GYS1: variants seen among roughly 807,000 people sequenced by gnomAD.
The protein encoded by GYS1 is glycogen synthase 1.
Under a neutral mutation model 89.1 loss-of-function variants are expected in GYS1, and 60 were observed. The ratio of observed to expected loss-of-function variants is 0.67; its 90% CI spans 0.55 to 0.84. The LOEUF is 0.84. Ranked by LOEUF, GYS1 falls within the 40% of genes least tolerant of loss-of-function variation. GYS1 has a pLI of 0.00. For missense variants in GYS1, 888 were observed against 1,003.1 expected, an observed-to-expected ratio of 0.89 and a Z score of 1.55; for synonymous variants, 366 against 401.7, an observed-to-expected ratio of 0.91 and a Z score of 1.06.
intron 8 of GYS1, among the ~76,000 whole-genome samples, chr19:48,979,914 C>T (rs775044319): frequency 9.4e-5 from 14 of 149,388 alleles, no homozygotes; most frequent in Non-Finnish European, 1.9e-4. Flanking sequence ...CCCAAAGTGC[C>T]GGGATTACAG....
Position 48,990,097 on chromosome 19 carries a change from G to T in GYS1, c.300+1205C>A, listed in dbSNP as rs552137261. Reference sequence around the variant, plus strand: ...TCTGGGTTCCCTTAGGGACACAGTCGGACCTGAATGGATTCCAGACCCCAC... The same window carrying T: ...TCTGGGTTCCCTTAGGGACACAGTCTGACCTGAATGGATTCCAGACCCCAC... On this transcript the variant is annotated intron_variant, in intron 2 of 15. Transcript: ENST00000323798. 4.8e-4 allele frequency among the ~76,000 whole-genome samples: 73 copies of T among 151,126 alleles called. 1 individual carries two copies. In the South Asian group the frequency reaches 0.015, roughly 31 times the overall value.
chr19:48,972,590 C>T (rs1345509872), intron 12 of GYS1, among the ~76,000 whole-genome samples: 1 of 152,042 alleles, frequency 6.6e-6, no homozygotes, highest in Non-Finnish European at 1.5e-5. Flanking sequence ...ACGATTCTCC[C>T]ACCTCAACTT....
In GYS1 at chr19:48,981,658, G is replaced by A. The variant is rs771190335; in HGVS notation, c.1063-22C>T. 8 of 1,493,256 alleles carry A rather than the reference G, an allele frequency of 5.4e-6. No individual in the cohort carries two copies. In the South Asian group the frequency reaches 7.9e-5, roughly 15 times the overall value. The allele number at this position is 1,493,256 out of a possible 1,614,324, so 92.5% of individuals were successfully genotyped here. A position where few individuals can be genotyped will look rare whatever the true frequency, so the allele number is the denominator to read the frequency against. Reference sequence around the variant, plus strand: ...TCACCTGCGCAGAAAGAAAGGAGGGGGAGGCCAGGATCATGTGGGGGAAGC... The same window carrying A: ...TCACCTGCGCAGAAAGAAAGGAGGGAGAGGCCAGGATCATGTGGGGGAAGC... On this transcript the variant is annotated intron_variant, in intron 7 of 15. Coordinates refer to ENST00000323798, the MANE Select transcript of GYS1 (RefSeq NM_002103.5).
chr19:48,987,356 T>C lies in GYS1; in HGVS notation c.330A>G (p.Gly110=). The change falls in exon 3 of 16, where the codon GGA becomes GGG. Residue 110 remains glycine (G), a synonymous_variant. Coordinates refer to ENST00000323798, the MANE Select transcript of GYS1 (RefSeq NM_002103.5). ...KVYFGRWLIE[G]GPLVVLLDVG... The stretch of plus-strand genomic sequence containing the variant: ...CGTCCAGGAGCACCACCAGAGGGCC[T>C]CCCTCGATCAGCCAGCGCCCGAAAT... 6.2e-7 allele frequency: 1 copy of C among 1,609,090 alleles called. No homozygotes were observed. The highest frequency in any genetic ancestry group is 8.5e-7 in the Non-Finnish European group (1 of 1,177,186).
Position 48,981,647 on chromosome 19 carries a change from A to G in GYS1, c.1063-11T>C. 1 of 1,570,738 alleles carries G rather than the reference A, an allele frequency of 6.4e-7. No homozygotes were observed. Among genetic ancestry groups the G allele is most frequent in the African/African-American group, 1.3e-5 (1 of 74,144 alleles). On this transcript the variant is annotated splice_polypyrimidine_tract_variant and intron_variant, in intron 7 of 15. Coordinates refer to ENST00000323798, the MANE Select transcript of GYS1 (RefSeq NM_002103.5). ...CTCGCTGCCGTTCACCTGCGCAGAA[A>G]GAAAGGAGGGGGAGGCCAGGATCAT...
chr19:48,984,849 C>T (rs2038817259), intron 5 of GYS1, among the ~76,000 whole-genome samples: 1 of 151,740 alleles, frequency 6.6e-6, no homozygotes, highest in Non-Finnish European at 1.5e-5. Flanking sequence ...CCACTGCACT[C>T]CAGCCTGGGC....
At chr19:48,983,725 C>CCCAG (rs145725095) in intron 5 of GYS1, among the ~76,000 whole-genome samples, 2,991 of 152,244 alleles carry the variant, frequency 0.02, 92 homozygotes, top group African/African-American at 0.068. Flanking sequence ...GGGAAGAATG[C>CCCAG]CCAGTTCTGA....
Position 48,982,501 on chromosome 19 carries a change from C to T in GYS1, c.942-126G>A, listed in dbSNP as rs2270937. On this transcript the variant is annotated intron_variant, in intron 6 of 15. Coordinates refer to ENST00000323798, the MANE Select transcript of GYS1 (RefSeq NM_002103.5). Reference sequence around the variant, plus strand: ...TGTCTTAGGTAATACAGAGGCATCACGGGGCCTCCTGGGAGTTGTAGTTCT... The same window carrying T: ...TGTCTTAGGTAATACAGAGGCATCATGGGGCCTCCTGGGAGTTGTAGTTCT... 0.31 allele frequency: 336,897 copies of T among 1,092,564 alleles called. 52,516 individuals are homozygous for T. Among genetic ancestry groups the T allele is most frequent in the Middle Eastern group, 0.35 (1,711 of 4,860 alleles). 67.7% of individuals were successfully genotyped at this position (1,092,564 alleles called of 1,614,324 possible).
Position 48,983,759 on chromosome 19 carries a change from T to C in GYS1, c.824-922A>G, listed in dbSNP as rs2038800370. ...GACCTAACCTTTCTCAAAAGCAAAG[T>C]CCACTGATCTTCCATTCCCTTTCAT... On this transcript the variant is annotated intron_variant, in intron 5 of 15. Coordinates refer to ENST00000323798, the MANE Select transcript of GYS1 (RefSeq NM_002103.5). 2.6e-5 allele frequency among the ~76,000 whole-genome samples: 4 copies of C among 152,168 alleles called. No individual in the cohort carries two copies. In the South Asian group the frequency reaches 8.3e-4, roughly 32 times the overall value.
chr19:48,981,465 A>G (rs2038761481), intron 8 of GYS1, 65 bp downstream of exon 8: 1 of 888,694 alleles, frequency 1.1e-6, no homozygotes, highest in South Asian at 1.3e-5. Context: ...TCTAGGAGAA[A>G]CACAGGACCC....
At position 48,991,467 on chromosome 19, in the gene GYS1, C is replaced by G; in HGVS notation, c.135G>C (p.Thr45=). The change falls in exon 2 of 16, where the codon ACG becomes ACC. Residue 45 remains threonine, a synonymous_variant. Transcript: ENST00000323798. This position sits in a 1 kb window ranked among gnomAD's most constrained non-coding sequence, Gnocchi z 4.7. ...TCACCTTCGCCTTCGTCTGCAGCAC[C>G]GTGTAGATGCCACCCACTGTGGGCC... ...EVANKVGGIY[T]VLQTKAKVTG... 1.2e-6 allele frequency: 2 copies of G among 1,603,192 alleles called. No homozygotes were observed. The highest frequency in any genetic ancestry group is 1.7e-6 in the Non-Finnish European group (2 of 1,173,440).
intron 8 of GYS1, among the ~76,000 whole-genome samples, chr19:48,978,710 T>TTA (rs1285544027): frequency 6.6e-6 from 1 of 151,874 alleles, no homozygotes; most frequent in East Asian, 1.9e-4. Flanking sequence ...TTTTGTAACT[T>TTA]TAGTAGAGAC....
intron 12 of GYS1, 39 bp from the exon 13 acceptor site, chr19:48,971,062 C>T (rs750018641): frequency 7.4e-7 from 1 of 1,357,280 alleles, no homozygotes; most frequent in Non-Finnish European, 1.1e-6. Context: ...TAGCTTCCCT[C>T]ATCGCCTACC....
At chr19:48,983,494 C>T (rs1276366129) in intron 5 of GYS1, among the ~76,000 whole-genome samples, 2 of 152,176 alleles carry the variant, frequency 1.3e-5, no homozygotes, top group Non-Finnish European at 2.9e-5. Context: ...TTAAACATCC[C>T]CAAAGTCCTG....
chr19:48,986,755 C>G (rs922977544), intron 3 of GYS1, among the ~76,000 whole-genome samples: 12 of 152,080 alleles, frequency 7.9e-5, no homozygotes, highest in Admixed American at 2.0e-4. Flanking sequence ...CATCGGCCTC[C>G]CAAAGTGCTG....
chr19:48,991,556 G>A lies in GYS1; in HGVS notation c.119-73C>T, dbSNP rs752299856. 3.4e-6 allele frequency: 5 copies of A among 1,478,854 alleles called. No homozygotes were observed. Among genetic ancestry groups the A allele is most frequent in the South Asian group, 1.1e-5 (1 of 88,206 alleles). 91.6% of individuals were successfully genotyped at this position (1,478,854 alleles called of 1,614,324 possible). ...TCTGGGGCCTGGGGTGGGGTGGGCC[G>A]GGGATGTAGGGGGCACTCAGGCCCC... On this transcript the variant is annotated intron_variant, in intron 1 of 15. Coordinates refer to ENST00000323798, the MANE Select transcript of GYS1 (RefSeq NM_002103.5). The surrounding 1 kb of genome is among the most constrained non-coding windows in gnomAD (Gnocchi z 4.7).
chr19:48,987,746 C>T (rs1227885034), intron 2 of GYS1, among the ~76,000 whole-genome samples: 1 of 152,078 alleles, frequency 6.6e-6, no homozygotes, highest in East Asian at 1.9e-4. Context: ...AAGCAATTCT[C>T]CTGCCTCAGC....
rs187567635 is a variant in GYS1, at chr19:48,988,588, G to C, written c.301-1203C>G. Among the ~76,000 whole-genome samples the C allele has an allele frequency of 3.9e-3, 589 of 152,166 alleles. 3 individuals carry two copies. Among genetic ancestry groups the C allele is most frequent in the African/African-American group, 0.014 (570 of 41,486 alleles). On this transcript the variant is annotated intron_variant, in intron 2 of 15. Coordinates refer to ENST00000323798, the MANE Select transcript of GYS1 (RefSeq NM_002103.5). ...CTTGCTTAGCCTCCCAAAGTGTTGA[G>C]ATTAGAAGTGTGAGCCACCTAAAGC...
At chr19:48,982,524 T>A (rs1464641575) in intron 6 of GYS1, 149 bp from the exon 7 acceptor site, 3 of 951,848 alleles carry the variant, frequency 3.2e-6, no homozygotes, top group African/African-American at 3.3e-5. Flanking sequence ...GAGTTGTAGT[T>A]CTTCTCTTTA....
Sources: allele counts gnomAD v4.1 joint callset (sites outside exome capture counted in the v4.1 genomes callset), GRCh38; gene constraint gnomAD v4.1.1; non-coding constraint Gnocchi (gnomAD v3.1); transcripts MANE v1.5; gene names NCBI Gene and HGNC (gene_info 2026-07-23, HGNC 2026-07-21).